The following SEC23A variants were observed in gnomAD, a reference collection of about 807,000 sequenced individuals.
SEC23A encodes the protein SEC23 homolog A, COPII component, also known as protein transport protein Sec23A.
In SEC23A, 56 loss-of-function variants were observed where a neutral mutation model predicts 103.7. The ratio of observed to expected loss-of-function variants is 0.54; its 90% confidence interval spans 0.44 to 0.67. The LOEUF (loss-of-function observed/expected upper bound fraction) is 0.67. Ranked by LOEUF, SEC23A falls within the 30% of genes least tolerant of loss-of-function variation. The probability of loss-of-function intolerance (pLI) is 0.00; values close to 1 mark genes in which losing one functional copy is unlikely to be tolerated. For missense variants in SEC23A, 784 were observed against 936.4 expected, an observed-to-expected ratio of 0.84 and a Z score of 2.12; for synonymous variants, 281 against 293.0, an observed-to-expected ratio of 0.96 and a Z score of 0.42.
intron 7 of SEC23A, among the ~76,000 whole-genome samples, chr14:39,079,717 G>A (rs1167005289): frequency 6.6e-6 from 1 of 152,106 alleles, no homozygotes; most frequent in Admixed American, 6.6e-5. Flanking sequence ...AGCTACTTGG[G>A]AGGCTGAGGC....
At chr14:39,089,182 A>G (rs1197286499) in intron 5 of SEC23A, among the ~76,000 whole-genome samples, 2 of 149,282 alleles carry the variant, frequency 1.3e-5, no homozygotes, top group African/African-American at 4.9e-5. Context: ...AAAAAAAAAA[A>G]GAAAAAAAAA....
intron 9 of SEC23A, among the ~76,000 whole-genome samples, chr14:39,070,514 G>A (rs570810393): frequency 3.3e-5 from 5 of 152,164 alleles, no homozygotes; most frequent in South Asian, 2.1e-4. Flanking sequence ...AGGATTATAC[G>A]CCATGACCAA....
intron 7 of SEC23A, among the ~76,000 whole-genome samples, chr14:39,076,537 G>A (rs1026099178): frequency 6.6e-6 from 1 of 151,248 alleles, no homozygotes; most frequent in African/African-American, 2.4e-5. Context: ...CAAGTAGCTG[G>A]AATGAGAAGC....
At chr14:39,085,996 C>T in intron 6 of SEC23A, 90 bp from the exon 7 acceptor site, 1 of 1,148,622 alleles carries the variant, frequency 8.7e-7, no homozygotes, top group Non-Finnish European at 1.3e-6. Context: ...AAATAGAAAA[C>T]AACACTCTGA....
At chr14:39,093,076 C>T (rs1887716926) in intron 3 of SEC23A, 111 bp downstream of exon 3, 3 of 802,380 alleles carry the variant, frequency 3.7e-6, no homozygotes, top group African/African-American at 3.4e-5. Context: ...ACTGTGTTAG[C>T]CAGGATGGTC....
chr14:39,033,170 TG>T lies in SEC23A; in HGVS notation c.*68del. On this transcript the variant is annotated 3_prime_UTR_variant, in exon 20 of 20. Coordinates refer to ENST00000307712, the MANE Select transcript of SEC23A (RefSeq NM_006364.4). ...ATATCTGTTGGTTTCCACAGATAAA[TG>T]GAAAAAGGAAAAAATGAAATTTGAA... is the stretch of plus-strand genomic sequence containing the variant. The T allele has an allele frequency of 1.7e-6, 2 of 1,207,996 alleles. No homozygotes were observed. The highest frequency in any genetic ancestry group is 2.5e-6 in the Non-Finnish European group (2 of 810,610). The allele number at this position is 1,207,996 out of a possible 1,614,324, so 74.8% of individuals were successfully genotyped here. A position where few individuals can be genotyped will look rare whatever the true frequency, so the allele number is the denominator to read the frequency against.
chr14:39,091,753 A>C (rs1458298410), intron 4 of SEC23A, 40 bp from the exon 5 acceptor site: 1 of 1,323,782 alleles, frequency 7.6e-7, no homozygotes, highest in South Asian at 1.2e-5. Context: ...TATGTAGTTT[A>C]AAGCACAGCA....
intron 13 of SEC23A, among the ~76,000 whole-genome samples, chr14:39,059,510 C>CACCT (rs1886395485): frequency 6.6e-6 from 1 of 152,026 alleles, no homozygotes; most frequent in African/African-American, 2.4e-5. Flanking sequence ...TTGAAAGAGT[C>CACCT]ACCTAACCTT....
intron 9 of SEC23A, among the ~76,000 whole-genome samples, chr14:39,067,666 CT>C (rs762046832): frequency 0.54 from 44,574 of 82,090 alleles, 11,154 homozygotes; most frequent in African/African-American, 0.61. Flanking sequence ...CATGCATTCT[CT>C]TTTTTTTTTT....
chr14:39,053,981 T>C (rs147097133), intron 14 of SEC23A, among the ~76,000 whole-genome samples: 1 of 152,164 alleles, frequency 6.6e-6, no homozygotes, highest in African/African-American at 2.4e-5. Context: ...AAATTTTTTT[T>C]AAATTAGCCA....
chr14:39,099,650 A>G (rs536033813), intron 1 of SEC23A, among the ~76,000 whole-genome samples: 135 of 152,326 alleles, frequency 8.9e-4, no homozygotes, highest in African/African-American at 3.1e-3. Flanking sequence ...TTGTGATATG[A>G]AAATATCACA....
intron 9 of SEC23A, among the ~76,000 whole-genome samples, chr14:39,074,123 T>TTATGG (rs1278667124): frequency 6.6e-6 from 1 of 152,168 alleles, no homozygotes; most frequent in African/African-American, 2.4e-5. Flanking sequence ...AATGGTAAGT[T>TTATGG]TATGGTATGT....
At chr14:39,061,580 T>G (rs1386775757) in intron 13 of SEC23A, among the ~76,000 whole-genome samples, 185 bp downstream of exon 13, 2 of 152,202 alleles carry the variant, frequency 1.3e-5, no homozygotes, top group East Asian at 3.8e-4. Flanking sequence ...TTAAAATTGC[T>G]CTTACGGTTC....
intron 13 of SEC23A, among the ~76,000 whole-genome samples, chr14:39,057,761 T>C (rs999257692): frequency 6.6e-6 from 1 of 152,236 alleles, no homozygotes; most frequent in African/African-American, 2.4e-5. Flanking sequence ...AAATTTCATT[T>C]ATTTAATTTT....
chr14:39,064,571 A>G (rs960593227), intron 11 of SEC23A: 2 of 196,282 alleles, frequency 1.0e-5, no homozygotes, highest in African/African-American at 4.6e-5. Context: ...AGTTTTAATT[A>G]GGGATGGATG....
chr14:39,085,476 G>C (rs191362891), intron 7 of SEC23A, among the ~76,000 whole-genome samples: 17 of 152,186 alleles, frequency 1.1e-4, no homozygotes, highest in Admixed American at 2.0e-4. Flanking sequence ...GCAGTCTTGT[G>C]GGACTGAGCC....
At chr14:39,057,520 A>C (rs1886290894) in intron 13 of SEC23A, among the ~76,000 whole-genome samples, 1 of 152,096 alleles carries the variant, frequency 6.6e-6, no homozygotes. Flanking sequence ...ACGGACCACC[A>C]TGCCCAGCCA....
intron 18 of SEC23A, chr14:39,040,474 G>A: frequency 3.9e-6 from 2 of 508,752 alleles, no homozygotes; most frequent in South Asian, 4.7e-5. Flanking sequence ...CCACCACAAT[G>A]CCATCCTGGC....
intron 19 of SEC23A, among the ~76,000 whole-genome samples, chr14:39,034,840 C>G (rs1342215509): frequency 1.3e-5 from 2 of 152,154 alleles, no homozygotes; most frequent in Non-Finnish European, 2.9e-5. Context: ...ATATGAGGCA[C>G]TACAGCAACA....
Sources: allele counts gnomAD v4.1 joint callset (sites outside exome capture counted in the v4.1 genomes callset), GRCh38; gene constraint gnomAD v4.1.1; transcripts MANE v1.5; gene names NCBI Gene and HGNC (gene_info 2026-07-23, HGNC 2026-07-21).